The following NSD3 variants were observed in gnomAD, a reference collection of about 807,000 sequenced individuals.
NSD3 encodes nuclear receptor binding SET domain protein 3.
In NSD3, 24 loss-of-function variants were observed where a neutral mutation model predicts 160.8. The observed-to-expected ratio is 0.15, with a 90% confidence interval of 0.11 to 0.21. The LOEUF (loss-of-function observed/expected upper bound fraction) is 0.21, where lower values mean the gene tolerates loss of function less well. NSD3 is among the 10% of genes least tolerant of loss of function. The pLI, the probability that NSD3 is intolerant of heterozygous loss-of-function variation, is 1.00. For missense variants in NSD3, 1,157 were observed against 1,735.9 expected (o/e 0.67, Z 5.93); for synonymous variants, 520 against 600.0 (o/e 0.87, Z 1.95).
chr8:38,352,699 C>T (rs1810731726), intron 1 of NSD3, among the ~76,000 whole-genome samples: 1 of 152,068 alleles, frequency 6.6e-6, no homozygotes, highest in South Asian at 2.1e-4. Context: ...CCTTGACTTC[C>T]TGGGTTCAGA....
At chr8:38,313,487 T>C (rs556681572) in intron 12 of NSD3, among the ~76,000 whole-genome samples, 2 of 152,220 alleles carry the variant, frequency 1.3e-5, no homozygotes, top group South Asian at 4.1e-4. Context: ...AGAAAATGCT[T>C]AGTACTTGTA....
chr8:38,365,010 T>C (rs932573117), intron 1 of NSD3, among the ~76,000 whole-genome samples: 33 of 152,224 alleles, frequency 2.2e-4, no homozygotes, highest in African/African-American at 7.7e-4. Flanking sequence ...CCCAAATAAA[T>C]GAGACTGACT....
intron 16 of NSD3, among the ~76,000 whole-genome samples, chr8:38,291,107 A>G (rs1808989397): frequency 6.6e-6 from 1 of 152,230 alleles, no homozygotes. Flanking sequence ...ATGCTATCAT[A>G]AAGAATGGCC....
intron 4 of NSD3, among the ~76,000 whole-genome samples, chr8:38,333,328 T>C (rs1810113502): frequency 6.6e-6 from 1 of 152,212 alleles, no homozygotes; most frequent in South Asian, 2.1e-4. Context: ...AGCACTTTGT[T>C]TCCTGACACC....
chr8:38,304,063 C>G (rs1451158269), intron 14 of NSD3, among the ~76,000 whole-genome samples: 2 of 152,210 alleles, frequency 1.3e-5, no homozygotes, highest in African/African-American at 2.4e-5. Flanking sequence ...ATGGCTGGCT[C>G]TGAACTAACA....
chr8:38,361,463 A>G (rs1249857317), intron 1 of NSD3, among the ~76,000 whole-genome samples: 1 of 151,692 alleles, frequency 6.6e-6, no homozygotes, highest in Non-Finnish European at 1.5e-5. Context: ...TAAAAACAAA[A>G]GACAGAAAGG....
intron 19 of NSD3, among the ~76,000 whole-genome samples, chr8:38,286,901 C>T (rs564738275): frequency 4.0e-4 from 61 of 152,340 alleles, no homozygotes; most frequent in Non-Finnish European, 7.1e-4. Flanking sequence ...TCTCCCTGAG[C>T]CAATCACTTG....
In NSD3 at chr8:38,305,229, C is replaced by T. The variant is rs149056869; in HGVS notation, c.2440+19G>A. ...GCCCTTAAAACAAAAATCTTTGTCT[C>T]CTTCTTCAGCTGTTTTACCTTTACT... On this transcript the variant is annotated intron_variant, in intron 13 of 23. Coordinates refer to ENST00000317025, the MANE Select transcript of NSD3 (RefSeq NM_023034.2). 1.7e-5 allele frequency: 28 copies of T among 1,609,760 alleles called. 1 individual carries two copies. In the African/African-American group the frequency reaches 3.1e-4, roughly 18 times the overall value.
At chr8:38,341,419 TC>T (rs1482957039) in intron 2 of NSD3, among the ~76,000 whole-genome samples, 1 of 151,600 alleles carries the variant, frequency 6.6e-6, no homozygotes, top group African/African-American at 2.4e-5. Context: ...GTGCCTATAA[TC>T]CCAGCTACTT....
At position 38,337,429 on chromosome 8, in the gene NSD3, C is replaced by G; in HGVS notation, c.786G>C (p.Val262=). ...PILSSVPTTE[V]STGVKFQVGD... is the part of the protein sequence containing the mutation. The stretch of plus-strand genomic sequence containing the variant: ...CAACCTGAAACTTAACACCAGTGGA[C>G]ACTTCCGTTGTTGGAACAGAAGATA... Residue 262 remains valine, a synonymous_variant, in exon 4 of 24, where the codon GTG becomes GTC. Coordinates refer to ENST00000317025, the MANE Select transcript of NSD3 (RefSeq NM_023034.2). 1 of 1,610,166 alleles carries G rather than the reference C, an allele frequency of 6.2e-7. No homozygotes were observed.
chr8:38,339,607 T>C (rs899362854), intron 2 of NSD3, among the ~76,000 whole-genome samples: 3 of 151,842 alleles, frequency 2.0e-5, no homozygotes, highest in Admixed American at 6.6e-5. Context: ...GCGCCTGTAG[T>C]CCAAGCTACT....
chr8:38,284,162 TTCAC>T (rs1366858062), intron 19 of NSD3, among the ~76,000 whole-genome samples: 1 of 152,212 alleles, frequency 6.6e-6, no homozygotes, highest in Non-Finnish European at 1.5e-5. Context: ...GTTAATTTCC[TTCAC>T]TTTTTCCTTC....
intron 15 of NSD3, among the ~76,000 whole-genome samples, chr8:38,297,588 T>C (rs1809182390): frequency 6.6e-6 from 1 of 152,188 alleles, no homozygotes; most frequent in African/African-American, 2.4e-5. Flanking sequence ...ATTTTCAAAC[T>C]TCTGATTAAC....
At chr8:38,365,332 T>C (rs1238969938) in intron 1 of NSD3, among the ~76,000 whole-genome samples, 1 of 152,214 alleles carries the variant, frequency 6.6e-6, no homozygotes, top group Non-Finnish European at 1.5e-5. Context: ...TACTGAACAC[T>C]AACTATGTAC....
At chr8:38,375,502 A>G (rs1313265305) in intron 1 of NSD3, among the ~76,000 whole-genome samples, 1 of 152,204 alleles carries the variant, frequency 6.6e-6, no homozygotes, top group Non-Finnish European at 1.5e-5. Flanking sequence ...CAGTGCAGGT[A>G]CAACATACTA....
chr8:38,276,310 G>C lies in NSD3; in HGVS notation c.4058C>G (p.Thr1353Ser). The change falls in exon 23 of 24, where the codon ACT (threonine) becomes AGT (serine). Residue 1353 changes from threonine (T) to serine (S), a missense_variant. Thr to Ser is a moderately conservative substitution (Grantham distance 58, BLOSUM62 1). This residue lies in a region of NSD3 where 222 missense variants were observed against 409.9 expected (regional missense o/e 0.54). Transcript: ENST00000317025. ...GTCCAGCTTACCATATGGTGGCTGA[G>C]TCAGGTTAAGGCATAGGAGGTGGTA... is the stretch of plus-strand genomic sequence containing the variant. ...KAYHLLCLNL[T>S]QPPYGKWECP... is the part of the protein sequence containing the mutation. 1.2e-6 allele frequency: 2 copies of C among 1,614,190 alleles called. No individual in the cohort carries two copies. The highest frequency in any genetic ancestry group is 1.1e-5 in the South Asian group (1 of 91,072).
intron 1 of NSD3, among the ~76,000 whole-genome samples, chr8:38,374,101 G>A (rs1811328321): frequency 6.6e-6 from 1 of 151,432 alleles, no homozygotes; most frequent in South Asian, 2.1e-4. Context: ...GGTGGTAGAG[G>A]AAGACCCTGT....
chr8:38,315,532 T>C lies in NSD3; in HGVS notation c.1999A>G (p.Lys667Glu). 6.2e-7 allele frequency: 1 copy of C among 1,613,516 alleles called. No individual in the cohort carries two copies. The highest frequency in any genetic ancestry group is 8.5e-7 in the Non-Finnish European group (1 of 1,179,790). ...GLSDLQVGFG[K>E]QVDSPSATAD... Reference sequence around the variant, plus strand: ...GTAGCTGAAGGGCTATCTACTTGCTTTCCAAAGCCTACCTACATAGAAAAC... The same window carrying C: ...GTAGCTGAAGGGCTATCTACTTGCTCTCCAAAGCCTACCTACATAGAAAAC... The change falls in exon 11 of 24, where the codon AAG becomes GAG. Residue 667 changes from lysine to glutamate, a missense_variant. Transcript: ENST00000317025.
intron 21 of NSD3, among the ~76,000 whole-genome samples, chr8:38,278,913 G>C (rs1024999475): frequency 3.3e-5 from 5 of 152,180 alleles, no homozygotes; most frequent in African/African-American, 4.8e-5. Flanking sequence ...TTCTAGCTGG[G>C]CTTAAACAAT....
Sources: gnomAD v4.1 joint callset for allele counts (sites outside exome capture counted in the v4.1 genomes callset) on GRCh38, gnomAD v4.1.1 for gene constraint, gnomAD v4.1.1 regional missense constraint, MANE v1.5 for transcripts, NCBI Gene and HGNC (gene_info 2026-07-23, HGNC 2026-07-21) for gene names.